The following FRS2 variants were observed in gnomAD, a reference collection of about 807,000 sequenced individuals.
The protein encoded by FRS2 is FGFR signalling adaptor.
Under a neutral mutation model 43.9 loss-of-function variants are expected in FRS2, and 8 were observed. That is an observed-to-expected ratio of 0.18 (90% confidence interval 0.11 to 0.33). The LOEUF is 0.33. Among genes scored for constraint, FRS2 ranks in the 10% least tolerant of loss-of-function variants. FRS2 has a pLI of 1.00. For missense variants in FRS2, 534 were observed against 627.6 expected (o/e 0.85, Z 1.59); for synonymous variants, 219 against 220.3 (o/e 0.99, Z 0.05).
At chr12:69,510,500 A>T (rs1874356530) in intron 1 of FRS2, among the ~76,000 whole-genome samples, 1 of 152,208 alleles carries the variant, frequency 6.6e-6, no homozygotes, top group Non-Finnish European at 1.5e-5. Flanking sequence ...TACTAAATAA[A>T]TAATCCATCC....
At chr12:69,478,818 A>G (rs1592907905) in intron 1 of FRS2, among the ~76,000 whole-genome samples, 1 of 151,872 alleles carries the variant, frequency 6.6e-6, no homozygotes, top group Non-Finnish European at 1.5e-5. Context: ...AAAACAGAAC[A>G]CTGCCAGCAC....
chr12:69,528,997 G>T (rs1876529576), intron 1 of FRS2, among the ~76,000 whole-genome samples: 1 of 152,146 alleles, frequency 6.6e-6, no homozygotes, highest in Admixed American at 6.5e-5. Context: ...TGGTAGATGA[G>T]GTAAGAGAGA....
chr12:69,559,665 C>T (rs769712158), intron 3 of FRS2, among the ~76,000 whole-genome samples: 1 of 152,022 alleles, frequency 6.6e-6, no homozygotes, highest in African/African-American at 2.4e-5. Flanking sequence ...GAGAATCTCC[C>T]CTCCTTAGCT....
intron 1 of FRS2, among the ~76,000 whole-genome samples, chr12:69,492,172 G>A (rs1006120185): frequency 6.6e-6 from 1 of 152,128 alleles, no homozygotes; most frequent in Non-Finnish European, 1.5e-5. Flanking sequence ...TACTTTATGT[G>A]GATAGCCTGT....
intron 3 of FRS2, among the ~76,000 whole-genome samples, chr12:69,538,197 T>TTATATATATATATATATA (rs151295024): frequency 0.041 from 3,333 of 80,356 alleles, 140 homozygotes; most frequent in African/African-American, 0.058. Flanking sequence ...AAAACAAATT[T>TTATATATATATATATATA]TATATATATA....
intron 3 of FRS2, among the ~76,000 whole-genome samples, chr12:69,540,082 T>C (rs1203252394): frequency 6.6e-6 from 1 of 151,540 alleles, no homozygotes; most frequent in Non-Finnish European, 1.5e-5. Flanking sequence ...TGAAACCTCG[T>C]CTCTACTAAA....
chr12:69,548,186 G>A (rs1184165219), intron 3 of FRS2, among the ~76,000 whole-genome samples: 2 of 152,132 alleles, frequency 1.3e-5, no homozygotes, highest in South Asian at 2.1e-4. Context: ...AATTAATCTG[G>A]TTGCTGTGTT....
chr12:69,470,587 T>A (rs1447565710), intron 1 of FRS2, 57 bp downstream of exon 1: 1 of 397,794 alleles, frequency 2.5e-6, no homozygotes, highest in Non-Finnish European at 4.4e-6. Context: ...GAGCTGGCGT[T>A]CTCGTGCCCC....
chr12:69,528,387 C>T (rs143477297), intron 1 of FRS2, among the ~76,000 whole-genome samples: 1,721 of 152,202 alleles, frequency 0.011, 13 homozygotes, highest in Non-Finnish European at 0.019. Flanking sequence ...TTACCTGGAA[C>T]CTTATAATAT....
intron 3 of FRS2, among the ~76,000 whole-genome samples, chr12:69,558,693 A>G (rs145380959): frequency 6.6e-6 from 1 of 152,186 alleles, no homozygotes; most frequent in East Asian, 1.9e-4. Context: ...TCTGTTCTGT[A>G]TTGAATGTTT....
intron 1 of FRS2, among the ~76,000 whole-genome samples, chr12:69,485,115 A>ACGCG (rs1489674010): frequency 2.2e-4 from 32 of 143,224 alleles, no homozygotes; most frequent in East Asian, 2.2e-3. Flanking sequence ...ACACACACAC[A>ACGCG]CACACACACA....
intron 3 of FRS2, among the ~76,000 whole-genome samples, chr12:69,536,704 G>A (rs563971347): frequency 4.6e-5 from 7 of 151,902 alleles, no homozygotes; most frequent in African/African-American, 1.7e-4. Context: ...TCAAGTAGCT[G>A]GGACCACAGG....
rs928406362 is a variant in FRS2, at chr12:69,578,893, G to T, written c.*3938G>T. 1.3e-5 allele frequency: 2 copies of T among 152,444 alleles called. No individual in the cohort carries two copies. The highest frequency in any genetic ancestry group is 4.8e-5 in the African/African-American group (2 of 41,388). 9.4% of individuals were successfully genotyped at this position (152,444 alleles called of 1,614,324 possible). A position where few individuals can be genotyped will look rare whatever the true frequency, so the allele number is the denominator to read the frequency against. ...ATGAAATATGAATTTTACCCCCATG[G>T]TTAATTTCTTTTATAAACATTCCAT... is the stretch of plus-strand genomic sequence containing the variant. On this transcript the variant is annotated 3_prime_UTR_variant, in exon 9 of 9. Coordinates refer to ENST00000549921, the MANE Select transcript of FRS2 (RefSeq NM_001278356.2).
chr12:69,531,401 T>G lies in FRS2; in HGVS notation c.-165+441T>G, dbSNP rs538416777. On this transcript the variant is annotated intron_variant, in intron 2 of 8. Transcript: ENST00000549921. ...TGGTTTTACTTTGTAGTACAAATTCTACCATACAGCTCTAAGAAGTGTATT... is the reference window on the plus strand; with the variant it reads ...TGGTTTTACTTTGTAGTACAAATTCGACCATACAGCTCTAAGAAGTGTATT... Among the ~76,000 whole-genome samples the G allele has an allele frequency of 2.0e-3, 311 of 152,298 alleles. 7 individuals carry two copies. The highest frequency in any genetic ancestry group is 0.019 in the Admixed American group (296 of 15,296).
chr12:69,478,030 C>T (rs984649672), intron 1 of FRS2, among the ~76,000 whole-genome samples: 6 of 152,108 alleles, frequency 3.9e-5, no homozygotes, highest in East Asian at 3.8e-4. Flanking sequence ...TGTGAGCCAC[C>T]GCGCCCGGCT....
rs1408435656 is a variant in FRS2, at chr12:69,567,554, C to T, written c.-26-1451C>T. ...AGGAGAAAAGACAGATAAACAGATA[C>T]CTGCCACAATTTCTACTCAGTACAA... On this transcript the variant is annotated intron_variant, in intron 4 of 8. Transcript: ENST00000549921. 2.0e-5 allele frequency among the ~76,000 whole-genome samples: 3 copies of T among 152,106 alleles called. No homozygotes were observed. The East Asian group carries it at 5.8e-4, about 29-fold the overall frequency.
chr12:69,570,695 CTA>C (rs1489786275), intron 6 of FRS2, among the ~76,000 whole-genome samples, 178 bp downstream of exon 6: 4 of 152,106 alleles, frequency 2.6e-5, no homozygotes, highest in African/African-American at 7.2e-5. Flanking sequence ...AGCACATTGT[CTA>C]TGTGAGAAAT....
chr12:69,483,632 A>G (rs556727754), intron 1 of FRS2, among the ~76,000 whole-genome samples: 7 of 152,298 alleles, frequency 4.6e-5, no homozygotes, highest in South Asian at 2.1e-4. Flanking sequence ...TATATTAAGT[A>G]TTTTCCGTGT....
chr12:69,572,799 C>T (rs1288486285), intron 8 of FRS2, among the ~76,000 whole-genome samples: 7 of 152,104 alleles, frequency 4.6e-5, no homozygotes, highest in African/African-American at 1.2e-4. Context: ...TTTTTAAAAT[C>T]AGTTTCTTTG....
Sources: gnomAD v4.1 joint callset for allele counts (sites outside exome capture counted in the v4.1 genomes callset) on GRCh38, gnomAD v4.1.1 for gene constraint, MANE v1.5 for transcripts, NCBI Gene and HGNC (gene_info 2026-07-23, HGNC 2026-07-21) for gene names.